Variants in FLACC1 observed in about 807,000 individuals in gnomAD.
The protein encoded by FLACC1 is flagellum associated containing coiled-coil domains 1.
A neutral mutation model predicts 62.8 loss-of-function variants in FLACC1; 66 were observed. The ratio of observed to expected loss-of-function variants is 1.05; its 90% CI spans 0.86 to 1.29. The LOEUF (loss-of-function observed/expected upper bound fraction) is 1.29, where lower values mean the gene tolerates loss of function less well. Among genes scored for constraint, FLACC1 ranks in the 50% most tolerant of loss-of-function variants. FLACC1 has a pLI of 0.00. For missense variants in FLACC1, 452 were observed against 489.1 expected (o/e 0.92, Z 0.71); for synonymous variants, 156 against 161.0 (o/e 0.97, Z 0.24).
chr2:201,293,340 A>G (rs1949781357), intron 12 of FLACC1, among the ~76,000 whole-genome samples: 1 of 152,260 alleles, frequency 6.6e-6, no homozygotes, highest in Non-Finnish European at 1.5e-5. Flanking sequence ...CCACAGTGCA[A>G]TCAAACTAGA....
intron 2 of FLACC1, 132 bp from the exon 3 acceptor site, chr2:201,350,914 A>T (rs1181849351): frequency 2.7e-6 from 2 of 754,450 alleles, no homozygotes; most frequent in Non-Finnish European, 4.3e-6. Context: ...GGAATCTTTA[A>T]AATCTGAGGC....
intron 9 of FLACC1, among the ~76,000 whole-genome samples, chr2:201,321,189 AAG>A (rs1022119316): frequency 6.6e-6 from 1 of 152,188 alleles, no homozygotes; most frequent in African/African-American, 2.4e-5. Flanking sequence ...GGGAGACTTG[AAG>A]AGAGGTCACA....
At chr2:201,363,831 A>G in the FLACC1 span, among the ~76,000 whole-genome samples, 4 of 152,198 alleles carry the variant, frequency 2.6e-5, no homozygotes, top group Non-Finnish European at 4.4e-5. Flanking sequence ...ATCCCTTTGC[A>G]GGGAACTTGG....
At chr2:201,353,682 G>T (rs2125627020) in intron 1 of FLACC1, among the ~76,000 whole-genome samples, 1 of 152,204 alleles carries the variant, frequency 6.6e-6, no homozygotes, top group South Asian at 2.1e-4. Flanking sequence ...CTGCTTCCTG[G>T]GTTCAAGCGA....
intron 6 of FLACC1, among the ~76,000 whole-genome samples, chr2:201,343,664 T>C (rs372191135): frequency 1.3e-5 from 2 of 152,166 alleles, no homozygotes; most frequent in African/African-American, 4.8e-5. Context: ...GAGGAAGAAG[T>C]CACCAGATGA....
chr2:201,301,599 C>T (rs1019022684), intron 11 of FLACC1, among the ~76,000 whole-genome samples: 3 of 152,078 alleles, frequency 2.0e-5, no homozygotes, highest in Non-Finnish European at 2.9e-5. Flanking sequence ...AGATACTCCT[C>T]GAGAAGAGCA....
rs1212355630 is a variant in FLACC1, at chr2:201,288,770, A to ATTATC, written c.1149_1153dup (p.Ile385ArgfsTer2). On this transcript the variant is annotated stop_gained and frameshift_variant, in exon 15 of 15. Coordinates refer to ENST00000392257, the MANE Select transcript of FLACC1 (RefSeq NM_001127391.3). LOFTEE classifies it low-confidence loss of function (END_TRUNC). ...TTCACAAATTTCTTCATTCTTAGAA[A>ATTATC]TTATCTTTTGCCTGTAAAAAGAAAG... is the stretch of plus-strand genomic sequence containing the variant. 1.9e-6 allele frequency: 3 copies of ATTATC among 1,613,658 alleles called. No individual in the cohort carries two copies. In the Admixed American group the frequency reaches 5.0e-5, roughly 27 times the overall value.
chr2:201,361,079 G>A (rs1305020772), upstream of FLACC1, among the ~76,000 whole-genome samples: 1 of 152,092 alleles, frequency 6.6e-6, no homozygotes, highest in African/African-American at 2.4e-5. Context: ...CTCCATCTCA[G>A]AAGAGGAAGA....
chr2:201,333,901 A>G (rs1042984950), intron 7 of FLACC1, among the ~76,000 whole-genome samples: 1 of 152,096 alleles, frequency 6.6e-6, no homozygotes, highest in Non-Finnish European at 1.5e-5. Context: ...ATGATTTATA[A>G]TCCTTTGGGT....
chr2:201,349,157 C>T (rs1950976290), intron 3 of FLACC1, among the ~76,000 whole-genome samples: 1 of 152,214 alleles, frequency 6.6e-6, no homozygotes, highest in African/African-American at 2.4e-5. Flanking sequence ...CCACACCCAT[C>T]ACCTTGTTAC....
At chr2:201,299,832 G>A (rs540647801) in intron 11 of FLACC1, among the ~76,000 whole-genome samples, 1 of 152,280 alleles carries the variant, frequency 6.6e-6, no homozygotes, top group East Asian at 1.9e-4. Flanking sequence ...ACAGAACGGA[G>A]AGTCCTAACA....
chr2:201,321,990 C>T (rs1045378393), intron 9 of FLACC1, among the ~76,000 whole-genome samples: 4 of 152,118 alleles, frequency 2.6e-5, no homozygotes, highest in East Asian at 1.9e-4. Flanking sequence ...GAGAAAAGGC[C>T]GGGTGCAGTG....
chr2:201,363,605 C>T, the FLACC1 span, among the ~76,000 whole-genome samples: 1 of 151,948 alleles, frequency 6.6e-6, no homozygotes, highest in African/African-American at 2.4e-5. Flanking sequence ...TCTGAGTCAC[C>T]CAAACCCTCC....
At chr2:201,290,495 A>G (rs1359730731) in intron 12 of FLACC1, among the ~76,000 whole-genome samples, 1 of 152,202 alleles carries the variant, frequency 6.6e-6, no homozygotes, top group Non-Finnish European at 1.5e-5. Flanking sequence ...AACTTCCACT[A>G]AAGAATGAAT....
intron 7 of FLACC1, among the ~76,000 whole-genome samples, chr2:201,335,727 A>G (rs7579792): frequency 0.86 from 131,022 of 152,150 alleles, 56,667 homozygotes; most frequent in Non-Finnish European, 0.91. Context: ...TTGGTATTTT[A>G]ATAGGGATTG....
At chr2:201,299,166 T>C in intron 12 of FLACC1, 72 bp downstream of exon 12, 3 of 1,387,166 alleles carry the variant, frequency 2.2e-6, no homozygotes, top group Admixed American at 1.9e-5. Flanking sequence ...GATTCCATTA[T>C]ACTGACAGCT....
intron 4 of FLACC1, among the ~76,000 whole-genome samples, chr2:201,347,570 T>C (rs1307724566): frequency 6.7e-6 from 1 of 149,786 alleles, no homozygotes; most frequent in African/African-American, 2.5e-5. Flanking sequence ...TAATAGGTGG[T>C]CAATAAATAT....
intron 9 of FLACC1, among the ~76,000 whole-genome samples, chr2:201,311,814 T>G (rs1950222731): frequency 6.6e-6 from 1 of 151,714 alleles, no homozygotes; most frequent in South Asian, 2.1e-4. Flanking sequence ...ATAAACAGAA[T>G]TAGAAAGAAA....
At chr2:201,353,010 T>C (rs937093354) in intron 1 of FLACC1, among the ~76,000 whole-genome samples, 9 of 152,202 alleles carry the variant, frequency 5.9e-5, no homozygotes, top group Admixed American at 5.2e-4. Flanking sequence ...CTCTTGATTT[T>C]AGCTCAGTGA....
Sources: gnomAD v4.1 joint callset for allele counts (sites outside exome capture counted in the v4.1 genomes callset) on GRCh38, gnomAD v4.1.1 for gene constraint, MANE v1.5 for transcripts, NCBI Gene and HGNC (gene_info 2026-07-23, HGNC 2026-07-21) for gene names.